Variants in RASGRP1 observed in about 807,000 individuals in gnomAD.
RASGRP1 encodes the protein RAS guanyl-releasing protein 1.
RASGRP1 carries 37 observed loss-of-function variants against 95.1 expected under a neutral mutation model. That is an observed-to-expected ratio of 0.39 (90% CI 0.30 to 0.51). The LOEUF is 0.51. Ranked by LOEUF, RASGRP1 falls within the 20% of genes least tolerant of loss-of-function variation. RASGRP1 has a pLI of 0.80. For synonymous variants in RASGRP1, 325 were observed against 353.4 expected, an observed-to-expected ratio of 0.92 and a Z score of 0.90; for missense variants, 711 against 965.4, an observed-to-expected ratio of 0.74 and a Z score of 3.49.
intron 1 of RASGRP1, chr15:38,560,277 G>A: frequency 2.1e-6 from 1 of 472,510 alleles, no homozygotes; most frequent in South Asian, 2.2e-5. Context: ...TCCTGAAGGG[G>A]AATGGCAGAG....
At chr15:38,495,598 G>C (rs1208636550) in intron 15 of RASGRP1, among the ~76,000 whole-genome samples, 1 of 152,106 alleles carries the variant, frequency 6.6e-6, no homozygotes, top group Non-Finnish European at 1.5e-5. Flanking sequence ...ATTAGTATTT[G>C]ACCAGAATCA....
At chr15:38,547,656 C>A (rs1893153469) in intron 2 of RASGRP1, among the ~76,000 whole-genome samples, 1 of 152,164 alleles carries the variant, frequency 6.6e-6, no homozygotes, top group Non-Finnish European at 1.5e-5. Flanking sequence ...CAAAGTAAAA[C>A]CACCTTTAAA....
chr15:38,557,417 G>A (rs1893607287), intron 2 of RASGRP1, among the ~76,000 whole-genome samples: 1 of 152,106 alleles, frequency 6.6e-6, no homozygotes, highest in Non-Finnish European at 1.5e-5. Flanking sequence ...ACAAAACCCT[G>A]AGATCTTACC....
At chr15:38,541,865 G>A (rs549973510) in intron 2 of RASGRP1, among the ~76,000 whole-genome samples, 8 of 152,256 alleles carry the variant, frequency 5.3e-5, no homozygotes, top group East Asian at 1.9e-4. Flanking sequence ...AGGTAAACAC[G>A]GGCAGTTCAG....
chr15:38,498,747 C>T, intron 15 of RASGRP1, 47 bp downstream of exon 15: 2 of 1,590,038 alleles, frequency 1.3e-6, no homozygotes, highest in Non-Finnish European at 1.7e-6. Flanking sequence ...AAAACTTTTC[C>T]CTTCCTACTT....
chr15:38,541,081 C>T (rs1236636727), intron 2 of RASGRP1, among the ~76,000 whole-genome samples: 11 of 152,202 alleles, frequency 7.2e-5, no homozygotes, highest in Non-Finnish European at 1.5e-4. Context: ...ACCCCACACA[C>T]GGGCACTAGA....
chr15:38,545,662 AC>A (rs1893077426), intron 2 of RASGRP1, among the ~76,000 whole-genome samples: 1 of 152,178 alleles, frequency 6.6e-6, no homozygotes, highest in Non-Finnish European at 1.5e-5. Context: ...TGATGAGCTG[AC>A]AAGCAGAGAG....
rs370597092 is a variant in RASGRP1 at position 38,551,782 on chromosome 15, G to A, written c.220+8039C>T. Among the ~76,000 whole-genome samples the A allele has an allele frequency of 2.0e-4, 30 of 152,162 alleles. 1 individual carries two copies. In the South Asian group the frequency reaches 4.4e-3, roughly 22 times the overall value. On this transcript the variant is annotated intron_variant, in intron 2 of 16. Transcript: ENST00000310803. ...CTTTTTATATAAAAAGCTTTTGCAC[G>A]CCTCTAATAATAAAAGCATTGAGCA...
At chr15:38,547,886 G>A (rs750359416) in intron 2 of RASGRP1, among the ~76,000 whole-genome samples, 63 of 152,086 alleles carry the variant, frequency 4.1e-4, no homozygotes, top group Non-Finnish European at 8.4e-4. Context: ...TGTGTGAGAT[G>A]GGGTGTGGAG....
chr15:38,502,923 G>T, intron 11 of RASGRP1: 1 of 304,118 alleles, frequency 3.3e-6, no homozygotes, highest in Non-Finnish European at 6.1e-6. Flanking sequence ...TTAGCACAGA[G>T]AATTGAATTA....
intron 1 of RASGRP1, among the ~76,000 whole-genome samples, chr15:38,560,939 T>A (rs1284093700): frequency 6.6e-6 from 1 of 152,198 alleles, no homozygotes; most frequent in East Asian, 1.9e-4. Flanking sequence ...GCGAAATGAT[T>A]TGGGAAGTTG....
At chr15:38,494,334 C>T (rs1287117496) in intron 16 of RASGRP1, 48 bp downstream of exon 16, 1 of 1,601,712 alleles carries the variant, frequency 6.2e-7, no homozygotes, top group South Asian at 1.1e-5. Flanking sequence ...GGTTTGGCCC[C>T]ACTTCTCTAA....
At chr15:38,502,461 A>C in intron 11 of RASGRP1, 40 bp from the exon 12 acceptor site, 1 of 1,268,240 alleles carries the variant, frequency 7.9e-7, no homozygotes. Flanking sequence ...CTAAAGAGAA[A>C]CCGGTCTTCT....
At chr15:38,521,544 C>T (rs1308952407) in intron 3 of RASGRP1, among the ~76,000 whole-genome samples, 2 of 152,118 alleles carry the variant, frequency 1.3e-5, no homozygotes, top group Non-Finnish European at 2.9e-5. Context: ...AAAGGCTGCC[C>T]CCCACAGGGA....
At chr15:38,531,935 AGCATGC>A (rs1436428110) in intron 2 of RASGRP1, among the ~76,000 whole-genome samples, 8 of 152,002 alleles carry the variant, frequency 5.3e-5, no homozygotes, top group Non-Finnish European at 1.0e-4. Context: ...CATTCCGTAC[AGCATGC>A]TCTTCTTCCT....
At chr15:38,563,407 C>A (rs1373126178) in intron 1 of RASGRP1, among the ~76,000 whole-genome samples, 4 of 152,110 alleles carry the variant, frequency 2.6e-5, no homozygotes, top group Non-Finnish European at 5.9e-5. Flanking sequence ...CATAGGTTTG[C>A]TGAAGGAGAC....
At position 38,564,737 on chromosome 15, in the gene RASGRP1, T is replaced by A; in HGVS notation, c.-109A>T. 1.0e-6 allele frequency: 1 copy of A among 960,026 alleles called. No homozygotes were observed. Among genetic ancestry groups the A allele is most frequent in the East Asian group, 4.9e-5 (1 of 20,204 alleles). The allele number at this position is 960,026 out of a possible 1,614,324, so 59.5% of individuals were successfully genotyped here. On this transcript the variant is annotated 5_prime_UTR_variant, in exon 1 of 17. Coordinates refer to ENST00000310803, the MANE Select transcript of RASGRP1 (RefSeq NM_005739.4). ...CCGGCTCTCTCCCCCCCGGGCCTCGTAGCCCCGGCGCCCGCCAGCCCTCGA... is the reference window on the plus strand; with the variant it reads ...CCGGCTCTCTCCCCCCCGGGCCTCGAAGCCCCGGCGCCCGCCAGCCCTCGA...
chr15:38,507,731 G>A lies in RASGRP1; in HGVS notation c.1237C>T (p.Leu413=). The A allele has an allele frequency of 1.3e-6, 2 of 1,563,640 alleles. No homozygotes were observed. Among genetic ancestry groups the A allele is most frequent in the Non-Finnish European group, 1.7e-6 (2 of 1,153,348 alleles). The change falls in exon 9 of 17, where the codon CTG becomes TTG. Residue 413 remains leucine (L), a synonymous_variant. Transcript: ENST00000310803. ...TCCTCCAGTGTGAGCCTCACCGTCA[G>A]CAAGTGTACCAAGTCCTTGTTAGCC... ...LEANKDLVHL[L]TLSLDLYYTE... is the part of the protein sequence containing the mutation.
rs375589178 is a variant in RASGRP1 at position 38,511,731 on chromosome 15, G to A, written c.850-11C>T. On this transcript the variant is annotated splice_polypyrimidine_tract_variant and intron_variant, in intron 7 of 16. Coordinates refer to ENST00000310803, the MANE Select transcript of RASGRP1 (RefSeq NM_005739.4). ...TAGTTGGTGGAGCTTCTGTGACACAGAAGACAGATGACAGCAGAGTCACTG... is the reference window on the plus strand; with the variant it reads ...TAGTTGGTGGAGCTTCTGTGACACAAAAGACAGATGACAGCAGAGTCACTG... The A allele has an allele frequency of 6.3e-7, 1 of 1,595,386 alleles. No individual in the cohort carries two copies. The highest frequency in any genetic ancestry group is 1.7e-5 in the Admixed American group (1 of 59,952).
Sources: gnomAD v4.1 joint callset for allele counts (sites outside exome capture counted in the v4.1 genomes callset) on GRCh38, gnomAD v4.1.1 for gene constraint, MANE v1.5 for transcripts, NCBI Gene and HGNC (gene_info 2026-07-23, HGNC 2026-07-21) for gene names.